TMEM131: variants seen among roughly 807,000 people sequenced by gnomAD.
TMEM131 encodes the protein 2610524E03Rik.
In TMEM131, 66 loss-of-function variants were observed where a neutral mutation model predicts 211.6. The ratio of observed to expected loss-of-function variants is 0.31; its 90% CI spans 0.26 to 0.38. The LOEUF (loss-of-function observed/expected upper bound fraction) is 0.38, where lower values mean the gene tolerates loss of function less well. Among genes scored for constraint, TMEM131 ranks in the 10% least tolerant of loss-of-function variants. TMEM131 has a pLI of 1.00. For synonymous variants in TMEM131, 844 were observed against 841.3 expected (o/e 1.00, Z -0.06); for missense variants, 2,036 against 2,299.3 (o/e 0.89, Z 2.34).
At position 97,793,478 on chromosome 2, in the gene TMEM131, T is replaced by C. The variant is rs765615791; in HGVS notation, c.3462A>G (p.Leu1154=). 274 of 1,613,832 alleles carry C rather than the reference T, an allele frequency of 1.7e-4. No individual in the cohort carries two copies. The highest frequency in any genetic ancestry group is 3.3e-4 in the Middle Eastern group (2 of 6,084). ...AGGGCGGGTTCGAGGCCTCAAAGGA[T>C]AGCCGCCTTCGAAATGGCTCCCATA... ...QGIWEPFRRR[L]SFEASNPPFD... Residue 1154 remains leucine, a synonymous_variant, in exon 30 of 41, where the codon CTA becomes CTG. Coordinates refer to ENST00000186436, the MANE Select transcript of TMEM131 (RefSeq NM_015348.2).
intron 5 of TMEM131, among the ~76,000 whole-genome samples, chr2:97,849,802 T>C (rs1272917747): frequency 1.3e-5 from 2 of 151,082 alleles, no homozygotes; most frequent in African/African-American, 4.9e-5. Context: ...GCCTGGACCT[T>C]TTTTCATAAG....
chr2:97,793,129 C>T (rs1680585040), intron 30 of TMEM131, 145 bp from the exon 31 acceptor site: 1 of 685,516 alleles, frequency 1.5e-6, no homozygotes, highest in Non-Finnish European at 2.4e-6. Context: ...ATTTCTACAA[C>T]TCTCTAACAT....
At chr2:97,824,023 C>T (rs1682254310) in intron 11 of TMEM131, among the ~76,000 whole-genome samples, 1 of 152,178 alleles carries the variant, frequency 6.6e-6, no homozygotes, top group Non-Finnish European at 1.5e-5. Context: ...AGGCCACAGC[C>T]TTAGTCAAGG....
intron 25 of TMEM131, among the ~76,000 whole-genome samples, chr2:97,799,674 G>C (rs969286405): frequency 6.6e-5 from 10 of 152,206 alleles, no homozygotes; most frequent in African/African-American, 2.4e-4. Flanking sequence ...TAGCGAGGAT[G>C]ATTCATTTTT....
chr2:97,774,491 C>T (rs1679619665), intron 32 of TMEM131, among the ~76,000 whole-genome samples: 1 of 152,166 alleles, frequency 6.6e-6, no homozygotes. Context: ...AGGAATAACT[C>T]GTTGGAGGGG....
At chr2:97,875,103 T>C (rs1674639246) in intron 4 of TMEM131, among the ~76,000 whole-genome samples, 2 of 151,918 alleles carry the variant, frequency 1.3e-5, no homozygotes, top group Admixed American at 1.3e-4. Flanking sequence ...CCAACAAAGA[T>C]CAAAAGAGAC....
chr2:97,881,635 T>C (rs1486853065), intron 4 of TMEM131, among the ~76,000 whole-genome samples: 1 of 145,220 alleles, frequency 6.9e-6, no homozygotes, highest in Non-Finnish European at 1.5e-5. Context: ...ATAATGGAAT[T>C]ATTACAACTG....
At chr2:97,891,657 T>C (rs1054315721) in intron 3 of TMEM131, among the ~76,000 whole-genome samples, 1 of 152,136 alleles carries the variant, frequency 6.6e-6, no homozygotes, top group Non-Finnish European at 1.5e-5. Context: ...AACTCCCAAA[T>C]CAAACATATG....
chr2:97,789,976 A>G (rs1680424787), intron 31 of TMEM131, among the ~76,000 whole-genome samples: 1 of 152,232 alleles, frequency 6.6e-6, no homozygotes, highest in Non-Finnish European at 1.5e-5. Flanking sequence ...CCAGGGAGAT[A>G]AACACATTCA....
rs1167015778 is a variant in TMEM131, at chr2:97,809,300, C to T, written c.2055+388G>A. Among the ~76,000 whole-genome samples the T allele has an allele frequency of 2.6e-5, 4 of 152,216 alleles. No homozygotes were observed. In the East Asian group the frequency reaches 5.8e-4, roughly 22 times the overall value. On this transcript the variant is annotated intron_variant, in intron 19 of 40. Coordinates refer to ENST00000186436, the MANE Select transcript of TMEM131 (RefSeq NM_015348.2). ...CTTCAGACTTTACTGCCTCTGCATC[C>T]CTGTTGAGCTTGCGCCCTGGCCCTA...
intron 1 of TMEM131, among the ~76,000 whole-genome samples, chr2:97,993,274 G>A (rs113677078): frequency 1.3e-5 from 2 of 152,144 alleles, no homozygotes; most frequent in African/African-American, 4.8e-5. Flanking sequence ...AATTCCTCCG[G>A]GTGTGAATGA....
intron 1 of TMEM131, among the ~76,000 whole-genome samples, chr2:97,931,700 G>C (rs1283333633): frequency 6.6e-6 from 1 of 152,168 alleles, no homozygotes; most frequent in African/African-American, 2.4e-5. Flanking sequence ...AAAGGAGAAG[G>C]CTGGACTAGT....
intron 29 of TMEM131, among the ~76,000 whole-genome samples, 171 bp from the exon 30 acceptor site, chr2:97,793,724 G>A (rs1680612202): frequency 2.0e-5 from 3 of 151,916 alleles, no homozygotes; most frequent in Admixed American, 1.3e-4. Context: ...GCTGGGCACG[G>A]TAGCTCATGC....
At chr2:97,976,609 G>C (rs960322455) in intron 1 of TMEM131, among the ~76,000 whole-genome samples, 2 of 152,206 alleles carry the variant, frequency 1.3e-5, no homozygotes, top group Admixed American at 6.5e-5. Flanking sequence ...ATTCAACACA[G>C]TCCCAATCAA....
At chr2:97,981,523 A>G (rs1679797254) in intron 1 of TMEM131, among the ~76,000 whole-genome samples, 1 of 152,322 alleles carries the variant, frequency 6.6e-6, no homozygotes, top group Middle Eastern at 3.4e-3. Flanking sequence ...TGCCACCCAA[A>G]TAAGTGAGAA....
intron 11 of TMEM131, among the ~76,000 whole-genome samples, chr2:97,827,792 T>G (rs917758361): frequency 1.3e-5 from 2 of 152,164 alleles, no homozygotes; most frequent in Admixed American, 6.5e-5. Flanking sequence ...TATTGAATTA[T>G]GGGAGGCTCT....
intron 3 of TMEM131, among the ~76,000 whole-genome samples, chr2:97,889,945 G>A (rs1009538729): frequency 1.3e-5 from 2 of 152,170 alleles, no homozygotes; most frequent in Non-Finnish European, 2.9e-5. Flanking sequence ...AATCAAACAC[G>A]GCGGGGCTGT....
intron 1 of TMEM131, among the ~76,000 whole-genome samples, chr2:97,984,330 A>G (rs1326398636): frequency 5.3e-5 from 8 of 152,150 alleles, no homozygotes; most frequent in Non-Finnish European, 1.2e-4. Flanking sequence ...TAATTCCATA[A>G]GAAGTTTTCT....
At position 97,910,489 on chromosome 2, in the gene TMEM131, T is replaced by G. The variant is rs192249795; in HGVS notation, c.250-1791A>C. Among the ~76,000 whole-genome samples the G allele has an allele frequency of 9.2e-4, 140 of 152,258 alleles. 2 individuals are homozygous for G. The highest frequency in any genetic ancestry group is 3.3e-3 in the African/African-American group (138 of 41,544). On this transcript the variant is annotated intron_variant, in intron 2 of 40. Transcript: ENST00000186436. ...GGGGTAGAAGCAACCCAAATGCCCA[T>G]TGACAGGTGAACAGATAAACAAAAT...
Sources: gnomAD v4.1 joint callset for allele counts (sites outside exome capture counted in the v4.1 genomes callset) on GRCh38, gnomAD v4.1.1 for gene constraint, MANE v1.5 for transcripts, NCBI Gene and HGNC (gene_info 2026-07-23, HGNC 2026-07-21) for gene names.